Variants in NUDT9 observed in about 807,000 individuals in gnomAD.
NUDT9 encodes ADP-ribose pyrophosphatase.
A neutral mutation model predicts 41.0 loss-of-function variants in NUDT9; 31 were observed. That is an observed-to-expected ratio of 0.76 (90% CI 0.57 to 1.02). The LOEUF (loss-of-function observed/expected upper bound fraction) is 1.02. Among genes scored for constraint, NUDT9 ranks in the 50% least tolerant of loss-of-function variants. The probability of loss-of-function intolerance (pLI) is 0.00; values close to 1 mark genes in which losing one functional copy is unlikely to be tolerated. For missense variants in NUDT9, 380 were observed against 431.4 expected, an observed-to-expected ratio of 0.88 and a Z score of 1.06; for synonymous variants, 146 against 147.6, an observed-to-expected ratio of 0.99 and a Z score of 0.08.
intron 6 of NUDT9, among the ~76,000 whole-genome samples, chr4:87,452,875 G>A (rs142665643): frequency 6.9e-6 from 1 of 144,424 alleles, no homozygotes; most frequent in African/African-American, 2.6e-5. Context: ...GCAATGGCGC[G>A]ATCTCGGCTC....
intron 7 of NUDT9, among the ~76,000 whole-genome samples, chr4:87,456,455 G>A (rs2110194889): frequency 6.6e-6 from 1 of 152,252 alleles, no homozygotes; most frequent in Admixed American, 6.5e-5. Flanking sequence ...TGATCTGGGT[G>A]TATTTGAAAT....
chr4:87,438,193 T>A, intron 2 of NUDT9, 84 bp from the exon 3 acceptor site: 1 of 685,284 alleles, frequency 1.5e-6, no homozygotes, highest in Non-Finnish European at 2.5e-6. Flanking sequence ...ATACTTCTTA[T>A]GGATAACAGA....
intron 3 of NUDT9, among the ~76,000 whole-genome samples, chr4:87,439,780 G>A (rs1188277363): frequency 6.6e-6 from 1 of 152,120 alleles, no homozygotes; most frequent in Non-Finnish European, 1.5e-5. Flanking sequence ...CTCAATTTTC[G>A]AGAATTAAAA....
At chr4:87,431,035 G>A (rs1721663779) in intron 1 of NUDT9, among the ~76,000 whole-genome samples, 1 of 152,080 alleles carries the variant, frequency 6.6e-6, no homozygotes, top group Admixed American at 6.6e-5. Flanking sequence ...GTGAAATTTT[G>A]TCAGCATGTG....
At chr4:87,424,551 C>T (rs934407404) in intron 1 of NUDT9, among the ~76,000 whole-genome samples, 7 of 152,108 alleles carry the variant, frequency 4.6e-5, no homozygotes, top group African/African-American at 9.7e-5. Flanking sequence ...CGTGAGCCAC[C>T]GCGCCCGGCC....
In NUDT9 at chr4:87,422,897, G is replaced by C. The variant is rs769894898; in HGVS notation, c.-9G>C. 8 of 1,607,326 alleles carry C rather than the reference G, an allele frequency of 5.0e-6. No homozygotes were observed. Among genetic ancestry groups the C allele is most frequent in the South Asian group, 1.1e-5 (1 of 90,820 alleles). On this transcript the variant is annotated 5_prime_UTR_variant, in exon 1 of 8. Coordinates refer to ENST00000302174, the MANE Select transcript of NUDT9 (RefSeq NM_024047.5). The stretch of plus-strand genomic sequence containing the variant: ...GACCTAGCATCGCAAAGCCGCCCTC[G>C]GGGCGCTCATGGCGGGACGCCTCCT...
intron 5 of NUDT9, among the ~76,000 whole-genome samples, chr4:87,451,114 TA>T: frequency 6.6e-6 from 1 of 152,290 alleles, no homozygotes; most frequent in African/African-American, 2.4e-5. Context: ...GCATGTTAGG[TA>T]ACTATCTGAA....
chr4:87,446,247 C>CTTTTTT lies in NUDT9; in HGVS notation c.531-2881_531-2876dup, dbSNP rs386400738. Reference sequence around the variant, plus strand: ...GCCACCATTTGCCTTCTTATCTTTCCTTTTTTTTTTTTTTTTTTTAAGACA... The same window carrying CTTTTTT: ...GCCACCATTTGCCTTCTTATCTTTCCTTTTTTTTTTTTTTTTTTTTTTTTTAAGACA... On this transcript the variant is annotated intron_variant, in intron 4 of 7. Transcript: ENST00000302174. Among the ~76,000 whole-genome samples, 12 of 124,230 alleles carry CTTTTTT rather than the reference C, an allele frequency of 9.7e-5. 2 individuals are homozygous for CTTTTTT. The highest frequency in any genetic ancestry group is 1.8e-4 in the African/African-American group (6 of 32,742). The allele number at this position is 124,230 out of a possible 152,430, so 81.5% of individuals were successfully genotyped here.
At chr4:87,454,213 A>C (rs1238347186) in intron 6 of NUDT9, among the ~76,000 whole-genome samples, 158 bp from the exon 7 acceptor site, 3 of 152,214 alleles carry the variant, frequency 2.0e-5, no homozygotes, top group African/African-American at 7.2e-5. Flanking sequence ...TGTCAAATTT[A>C]CCATCTAAAC....
intron 1 of NUDT9, among the ~76,000 whole-genome samples, chr4:87,429,182 C>T (rs1721567997): frequency 6.6e-6 from 1 of 152,070 alleles, no homozygotes; most frequent in Non-Finnish European, 1.5e-5. Context: ...GTCAGGATCT[C>T]ACTATGTTGC....
intron 4 of NUDT9, among the ~76,000 whole-genome samples, chr4:87,447,999 T>G (rs1050934389): frequency 8.0e-5 from 12 of 150,480 alleles, no homozygotes; most frequent in Non-Finnish European, 1.6e-4. Context: ...ACCACTGTAC[T>G]CTAGCCTTGG....
At chr4:87,444,488 C>G (rs1037049750) in intron 4 of NUDT9, among the ~76,000 whole-genome samples, 2 of 152,068 alleles carry the variant, frequency 1.3e-5, no homozygotes, top group African/African-American at 2.4e-5. Context: ...GCCTACCTCT[C>G]CATCCACATA....
Position 87,450,990 on chromosome 4 carries a change from G to A in NUDT9, c.643-599G>A, listed in dbSNP as rs74383438. Among the ~76,000 whole-genome samples the A allele has an allele frequency of 2.5e-3, 377 of 152,202 alleles. 1 individual carries two copies. Among genetic ancestry groups the A allele is most frequent in the African/African-American group, 8.1e-3 (338 of 41,532 alleles). On this transcript the variant is annotated intron_variant, in intron 5 of 7. Coordinates refer to ENST00000302174, the MANE Select transcript of NUDT9 (RefSeq NM_024047.5). ...ATAAGATACATAAGTTAAATATATC[G>A]CATGTTAGAAGGCAGTAAGTATTAA...
chr4:87,434,574 CT>C (rs1721825000), intron 1 of NUDT9, among the ~76,000 whole-genome samples: 1 of 151,474 alleles, frequency 6.6e-6, no homozygotes, highest in African/African-American at 2.4e-5. Context: ...TTTTCTGATT[CT>C]TAAAGGTTTT....
chr4:87,430,875 C>G (rs1354475854), intron 1 of NUDT9, among the ~76,000 whole-genome samples: 1 of 152,108 alleles, frequency 6.6e-6, no homozygotes. Flanking sequence ...TTTTCCTGTT[C>G]CATGGGTTGC....
At chr4:87,437,274 AAAG>A (rs1721981922) in intron 2 of NUDT9, among the ~76,000 whole-genome samples, 1 of 126,278 alleles carries the variant, frequency 7.9e-6, no homozygotes, top group African/African-American at 2.6e-5. Context: ...AAAAAGAAAG[AAAG>A]AAAAAATAAT....
chr4:87,439,427 G>A (rs997051132), intron 3 of NUDT9, among the ~76,000 whole-genome samples: 7 of 152,126 alleles, frequency 4.6e-5, no homozygotes, highest in South Asian at 4.1e-4. Flanking sequence ...AGGCCAAGGC[G>A]GGTGGATCAC....
rs1000750044 is a variant in NUDT9, at chr4:87,422,607, A to C, written c.-299A>C. On this transcript the variant is annotated 5_prime_UTR_variant, in exon 1 of 8. Coordinates refer to ENST00000302174, the MANE Select transcript of NUDT9 (RefSeq NM_024047.5). ...CCGTAAAGCGCCATTACGCAGAGAGAAAGTTACGAGGTTCGTGGCCGCGGT... is the reference window on the plus strand; with the variant it reads ...CCGTAAAGCGCCATTACGCAGAGAGCAAGTTACGAGGTTCGTGGCCGCGGT... The C allele has an allele frequency of 1.7e-5, 5 of 290,114 alleles. No individual in the cohort carries two copies. Among genetic ancestry groups the C allele is most frequent in the African/African-American group, 4.4e-5 (2 of 45,636 alleles). The allele number at this position is 290,114 out of a possible 1,614,324, so 18.0% of individuals were successfully genotyped here.
chr4:87,434,882 G>C (rs1000582915), intron 1 of NUDT9, 99 bp from the exon 2 acceptor site: 1 of 1,053,372 alleles, frequency 9.5e-7, no homozygotes, highest in Admixed American at 2.5e-5. Flanking sequence ...GCCTCACAAA[G>C]TGCTGGGATT....
Sources: allele counts gnomAD v4.1 joint callset (sites outside exome capture counted in the v4.1 genomes callset), GRCh38; gene constraint gnomAD v4.1.1; transcripts MANE v1.5; gene names NCBI Gene and HGNC (gene_info 2026-07-23, HGNC 2026-07-21).